Variants in ZDHHC17 observed in about 807,000 individuals in gnomAD.
ZDHHC17 encodes the protein palmitoyltransferase ZDHHC17.
In ZDHHC17, 40 loss-of-function variants were observed where a neutral mutation model predicts 90.3. The observed-to-expected ratio is 0.44, with a 90% CI of 0.34 to 0.58. The LOEUF is 0.58. ZDHHC17 is among the 20% of genes least tolerant of loss of function. The pLI is 0.01. For synonymous variants in ZDHHC17, 235 were observed against 252.4 expected, an observed-to-expected ratio of 0.93 and a Z score of 0.65; for missense variants, 614 against 780.8, an observed-to-expected ratio of 0.79 and a Z score of 2.55.
At chr12:76,829,782 A>G (rs910838938) in intron 10 of ZDHHC17, among the ~76,000 whole-genome samples, 2 of 152,090 alleles carry the variant, frequency 1.3e-5, no homozygotes, top group African/African-American at 4.8e-5. Context: ...GTAATGCTGT[A>G]TTTTCACATA....
chr12:76,782,987 C>T (rs762354777), intron 1 of ZDHHC17, among the ~76,000 whole-genome samples: 7 of 152,042 alleles, frequency 4.6e-5, no homozygotes, highest in Non-Finnish European at 8.8e-5. Flanking sequence ...ATTGACTTAG[C>T]AGAATTCTTG....
At chr12:76,804,975 A>G (rs1304219238) in intron 2 of ZDHHC17, among the ~76,000 whole-genome samples, 1 of 152,052 alleles carries the variant, frequency 6.6e-6, no homozygotes, top group Non-Finnish European at 1.5e-5. Flanking sequence ...TGATTTTTAT[A>G]TATTTAATAT....
intron 1 of ZDHHC17, among the ~76,000 whole-genome samples, chr12:76,783,099 AAGTT>A (rs1290069201): frequency 1.3e-5 from 2 of 152,176 alleles, no homozygotes; most frequent in East Asian, 1.9e-4. Flanking sequence ...GTCAAGTAGA[AAGTT>A]AGTCCCCACA....
chr12:76,774,725 G>A (rs942506492), intron 1 of ZDHHC17, among the ~76,000 whole-genome samples: 1 of 152,150 alleles, frequency 6.6e-6, no homozygotes, highest in Non-Finnish European at 1.5e-5. Flanking sequence ...GGAAAGTGGG[G>A]TTAATAACAC....
chr12:76,791,794 G>T (rs116914568), intron 1 of ZDHHC17, among the ~76,000 whole-genome samples: 1,683 of 152,200 alleles, frequency 0.011, 11 homozygotes, highest in Non-Finnish European at 0.017. Flanking sequence ...TATAAATTGG[G>T]TTCCCATGAC....
chr12:76,778,477 C>T (rs1952586232), intron 1 of ZDHHC17, among the ~76,000 whole-genome samples: 1 of 152,180 alleles, frequency 6.6e-6, no homozygotes, highest in Admixed American at 6.5e-5. Context: ...CCTGCCTCGG[C>T]CTCCCAGAGT....
At chr12:76,767,032 AAAG>A (rs1565752604) in intron 1 of ZDHHC17, among the ~76,000 whole-genome samples, 7 of 150,564 alleles carry the variant, frequency 4.6e-5, no homozygotes, top group African/African-American at 7.4e-5. Context: ...AAAAAAAAAA[AAAG>A]AAAAGAAAAG....
intron 1 of ZDHHC17, among the ~76,000 whole-genome samples, chr12:76,796,411 A>G (rs1345125708): frequency 3.9e-5 from 6 of 152,166 alleles, no homozygotes; most frequent in East Asian, 1.9e-4. Context: ...GAAATTGACT[A>G]TATATACCAA....
chr12:76,788,389 C>T (rs975750654), intron 1 of ZDHHC17, among the ~76,000 whole-genome samples: 1 of 151,950 alleles, frequency 6.6e-6, no homozygotes, highest in Non-Finnish European at 1.5e-5. Flanking sequence ...ATGAATAGCA[C>T]TAATAATTGT....
chr12:76,832,759 G>T (rs1953319007), intron 10 of ZDHHC17, among the ~76,000 whole-genome samples: 1 of 151,588 alleles, frequency 6.6e-6, no homozygotes, highest in African/African-American at 2.4e-5. Context: ...CTTTTAAACG[G>T]CAAAATCTAC....
rs1466440050 is a variant in ZDHHC17 at position 76,764,181 on chromosome 12, C to A, written c.-56C>A. 1.4e-6 allele frequency: 2 copies of A among 1,407,042 alleles called. No homozygotes were observed. The highest frequency in any genetic ancestry group is 1.9e-6 in the Non-Finnish European group (2 of 1,053,288). 87.2% of individuals were successfully genotyped at this position (1,407,042 alleles called of 1,614,324 possible). ...CCTCCGGCGGGGCTCGCGCTCGCCC[C>A]GCGCTCGCCCTCCGCCTCGCCCGAG... On this transcript the variant is annotated 5_prime_UTR_variant, in exon 1 of 17. Transcript: ENST00000426126.
At position 76,764,168 on chromosome 12, in the gene ZDHHC17, C is replaced by G; in HGVS notation, c.-69C>G. 1.5e-4 allele frequency: 147 copies of G among 948,620 alleles called. No homozygotes were observed. The highest frequency in any genetic ancestry group is 1.8e-4 in the Non-Finnish European group (122 of 680,346). The allele number at this position is 948,620 out of a possible 1,614,324, so 58.8% of individuals were successfully genotyped here. On this transcript the variant is annotated 5_prime_UTR_variant, in exon 1 of 17. Coordinates refer to ENST00000426126, the MANE Select transcript of ZDHHC17 (RefSeq NM_015336.4). ...GAGGCCCGCGTCGCCTCCGGCGGGG[C>G]TCGCGCTCGCCCCGCGCTCGCCCTC...
chr12:76,798,167 C>T lies in ZDHHC17; in HGVS notation c.197+630C>T, dbSNP rs530445864. On this transcript the variant is annotated intron_variant, in intron 2 of 16. Coordinates refer to ENST00000426126, the MANE Select transcript of ZDHHC17 (RefSeq NM_015336.4). ...AGTGTGCATCCAATATTCTCCCGCC[C>T]GCAACCAGGTACACAGATTAGAAAT... 3.7e-4 allele frequency among the ~76,000 whole-genome samples: 56 copies of T among 152,162 alleles called. 1 individual carries two copies. In the South Asian group the frequency reaches 5.0e-3, roughly 14 times the overall value.
chr12:76,828,430 G>A lies in ZDHHC17; in HGVS notation c.1081G>A (p.Gly361Arg). The A allele has an allele frequency of 6.2e-7, 1 of 1,612,898 alleles. No individual in the cohort carries two copies. The highest frequency in any genetic ancestry group is 8.5e-7 in the Non-Finnish European group (1 of 1,179,406). The change falls in exon 10 of 17, where the codon GGG becomes AGG. Residue 361 changes from glycine to arginine, a missense_variant. Physicochemically the swap from Gly to Arg is moderately radical, Grantham distance 125 (BLOSUM62 -2). Transcript: ENST00000426126. ...TTCAATGCATAGTGCATTGCCCCTT[G>A]GGATATATTTGGCAACCAAATTCTG... is the stretch of plus-strand genomic sequence containing the variant. ...DHSMHSALPL[G>R]IYLATKFWMY...
chr12:76,802,028 A>G (rs1431410961), intron 2 of ZDHHC17, among the ~76,000 whole-genome samples: 2 of 152,164 alleles, frequency 1.3e-5, no homozygotes, highest in East Asian at 1.9e-4. Context: ...TTGCCCATGT[A>G]TTGACTTTTT....
chr12:76,820,965 T>C (rs1953157345), intron 7 of ZDHHC17: 12 of 752,518 alleles, frequency 1.6e-5, no homozygotes, highest in Middle Eastern at 2.8e-4. Flanking sequence ...GTGTTTATTT[T>C]ACCAGCTGAA....
Position 76,846,591 on chromosome 12 carries a change from T to C in ZDHHC17, c.1424-5T>C. Reference sequence around the variant, plus strand: ...GAAAAACCTTGCTTCTGTGTCGTTCTTCAGGTGCAGGCAACCATAGATATT... The same window carrying C: ...GAAAAACCTTGCTTCTGTGTCGTTCCTCAGGTGCAGGCAACCATAGATATT... On this transcript the variant is annotated splice_polypyrimidine_tract_variant and splice_region_variant and intron_variant, in intron 13 of 16. Coordinates refer to ENST00000426126, the MANE Select transcript of ZDHHC17 (RefSeq NM_015336.4). The C allele has an allele frequency of 6.2e-7, 1 of 1,610,566 alleles. No individual in the cohort carries two copies. The highest frequency in any genetic ancestry group is 1.1e-5 in the South Asian group (1 of 90,330).
chr12:76,842,449 A>C (rs75875928), intron 11 of ZDHHC17, among the ~76,000 whole-genome samples: 1 of 152,206 alleles, frequency 6.6e-6, no homozygotes, highest in Non-Finnish European at 1.5e-5. Flanking sequence ...TAGAAGGTTA[A>C]TAAATTGGTT....
At chr12:76,824,107 T>C (rs1002712260) in intron 8 of ZDHHC17, among the ~76,000 whole-genome samples, 5 of 152,054 alleles carry the variant, frequency 3.3e-5, no homozygotes, top group Non-Finnish European at 5.9e-5. Flanking sequence ...CACACACACA[T>C]ATAGTCATAA....
Sources: gnomAD v4.1 joint callset for allele counts (sites outside exome capture counted in the v4.1 genomes callset) on GRCh38, gnomAD v4.1.1 for gene constraint, MANE v1.5 for transcripts, NCBI Gene and HGNC (gene_info 2026-07-23, HGNC 2026-07-21) for gene names.